DAPK2: variants seen among roughly 807,000 people sequenced by gnomAD.
DAPK2 encodes the protein death-associated protein kinase 2.
Under a neutral mutation model 44.1 loss-of-function variants are expected in DAPK2, and 35 were observed. The observed-to-expected ratio is 0.79, with a 90% CI of 0.61 to 1.05. The LOEUF (loss-of-function observed/expected upper bound fraction) is 1.05, where lower values mean the gene tolerates loss of function less well. Among genes scored for constraint, DAPK2 ranks in the 50% least tolerant of loss-of-function variants. DAPK2 has a pLI of 0.00. For missense variants in DAPK2, 453 were observed against 483.2 expected (o/e 0.94, Z 0.59); for synonymous variants, 174 against 182.6 (o/e 0.95, Z 0.38).
intron 1 of DAPK2, among the ~76,000 whole-genome samples, chr15:63,993,773 G>A (rs1225058907): frequency 1.3e-5 from 2 of 152,060 alleles, no homozygotes; most frequent in Non-Finnish European, 2.9e-5. Flanking sequence ...CAAAAATGAA[G>A]GATTGGACCA....
chr15:63,948,243 C>G (rs939578555), intron 3 of DAPK2, among the ~76,000 whole-genome samples: 1 of 121,056 alleles, frequency 8.3e-6, no homozygotes. Context: ...TGCATTCCAG[C>G]CTGCATGATG....
rs1049037874 is a variant in DAPK2, at chr15:63,939,360, G to A, written c.455C>T (p.Pro152Leu). The A allele has an allele frequency of 6.3e-7, 1 of 1,578,690 alleles. No homozygotes were observed. Among genetic ancestry groups the A allele is most frequent in the East Asian group, 2.2e-5 (1 of 44,600 alleles). Residue 152 changes from proline (P) to leucine (L), a missense_variant and splice_region_variant, in exon 4 of 11, where the codon CCA (proline) becomes CTA (leucine). Transcript: ENST00000261891. The surrounding 1 kb of genome is among the most constrained non-coding windows in gnomAD (Gnocchi z 4.3). ...CTTGTCTAACAACATAATGTTTTCT[G>A]GCTGGACAACAAAAAGTAGAAAAAA...
At chr15:63,914,973 G>T (rs2078890304) in intron 8 of DAPK2, among the ~76,000 whole-genome samples, 1 of 152,002 alleles carries the variant, frequency 6.6e-6, no homozygotes, top group Non-Finnish European at 1.5e-5. Context: ...ATCCTTGAAG[G>T]GTTGGTTCTA....
intron 1 of DAPK2, among the ~76,000 whole-genome samples, chr15:64,002,839 T>A (rs1003398349): frequency 6.6e-6 from 1 of 151,968 alleles, no homozygotes; most frequent in Non-Finnish European, 1.5e-5. Context: ...TTGGGTCTTT[T>A]AAACAAAGAA....
At chr15:63,968,737 A>C (rs1352358250) in intron 3 of DAPK2, among the ~76,000 whole-genome samples, 1 of 152,210 alleles carries the variant, frequency 6.6e-6, no homozygotes, top group Admixed American at 6.5e-5. Flanking sequence ...ATCATGGTAC[A>C]TGGTAACTCA....
intron 3 of DAPK2, among the ~76,000 whole-genome samples, chr15:63,961,318 A>C (rs2077893882): frequency 6.6e-6 from 1 of 152,176 alleles, no homozygotes; most frequent in African/African-American, 2.4e-5. Context: ...TGTGTCTTTT[A>C]ATTGGAGCAT....
At chr15:63,910,183 C>CGG in intron 10 of DAPK2, among the ~76,000 whole-genome samples, 1 of 152,240 alleles carries the variant, frequency 6.6e-6, no homozygotes, top group East Asian at 1.9e-4. Context: ...GGAAAGCAGC[C>CGG]AGAGCCGGCA....
At position 63,916,680 on chromosome 15, in the gene DAPK2, G is replaced by GT. The variant is rs945027359; in HGVS notation, c.859-4484_859-4483insA. ...CAGAAAGGCTGTGAGCCTGAAGGCT[G>GT]CCCCCTACAGTGAACAAGCCAGTGG... On this transcript the variant is annotated intron_variant, in intron 8 of 10. Coordinates refer to ENST00000261891, the Ensembl canonical transcript of DAPK2. The surrounding 1 kb of genome is among the most constrained non-coding windows in gnomAD (Gnocchi z 4.7). 5 of 152,372 alleles carry GT rather than the reference G, an allele frequency of 3.3e-5. No homozygotes were observed. Among genetic ancestry groups the GT allele is most frequent in the Admixed American group, 3.3e-4 (5 of 15,302 alleles). 9.4% of individuals were successfully genotyped at this position (152,372 alleles called of 1,614,324 possible). A position where few individuals can be genotyped will look rare whatever the true frequency, so the allele number is the denominator to read the frequency against.
At chr15:64,041,472 C>T (rs1003462580), upstream of DAPK2, among the ~76,000 whole-genome samples, 1 of 152,246 alleles carries the variant, frequency 6.6e-6, no homozygotes, top group Non-Finnish European at 1.5e-5. Flanking sequence ...CCATTCCTGA[C>T]AGCCATGTGC....
chr15:63,960,520 A>G (rs2077865521), intron 3 of DAPK2, among the ~76,000 whole-genome samples: 1 of 152,186 alleles, frequency 6.6e-6, no homozygotes, highest in Non-Finnish European at 1.5e-5. Context: ...ACACTGCTTT[A>G]AATGTGTCCC....
In DAPK2 at chr15:63,908,483, C is replaced by T. The variant is rs11854049; in HGVS notation, c.*37G>A. The T allele has an allele frequency of 6.8e-7, 1 of 1,475,136 alleles. No homozygotes were observed. Among genetic ancestry groups the T allele is most frequent in the South Asian group, 1.2e-5 (1 of 80,542 alleles). The allele number at this position is 1,475,136 out of a possible 1,614,324, so 91.4% of individuals were successfully genotyped here. On this transcript the variant is annotated 3_prime_UTR_variant, in exon 11 of 11. Coordinates refer to ENST00000261891, the Ensembl canonical transcript of DAPK2. The surrounding 1 kb of genome is among the most constrained non-coding windows in gnomAD (Gnocchi z 5.7). The stretch of plus-strand genomic sequence containing the variant: ...CTGCACAGAAGGGAGCCCCGCTGGG[C>T]CCAGACCTCCCTGGCGGCCACTGCA...
intron 1 of DAPK2, among the ~76,000 whole-genome samples, chr15:64,036,245 G>C (rs149567210): frequency 0.014 from 2,022 of 147,634 alleles, 56 homozygotes; most frequent in African/African-American, 0.049. Flanking sequence ...TGGCGACAGA[G>C]TGAAACTCCA....
chr15:64,017,067 T>G (rs332288), intron 1 of DAPK2, among the ~76,000 whole-genome samples: 148,542 of 152,236 alleles, frequency 0.98, 72,572 homozygotes, highest in East Asian at 1. Context: ...TCCACAATGT[T>G]GGGGCTGTCC....
At chr15:63,940,141 C>T (rs539597562) in intron 3 of DAPK2, among the ~76,000 whole-genome samples, 111 of 152,336 alleles carry the variant, frequency 7.3e-4, no homozygotes, top group African/African-American at 2.0e-3. Flanking sequence ...TTCTCACTCC[C>T]ACCCAACCAC....
At chr15:63,924,343 A>G (rs867381438) in intron 8 of DAPK2, among the ~76,000 whole-genome samples, 139 of 152,192 alleles carry the variant, frequency 9.1e-4, no homozygotes, top group African/African-American at 3.1e-3. Flanking sequence ...CTCAGGCCCC[A>G]TTCCTCAGGG....
Position 63,999,013 on chromosome 15 carries a change from G to T in DAPK2, c.93-15259C>A, listed in dbSNP as rs572972392. 5.9e-5 allele frequency among the ~76,000 whole-genome samples: 9 copies of T among 152,244 alleles called. No homozygotes were observed. The East Asian group carries it at 1.7e-3, about 29-fold the overall frequency. On this transcript the variant is annotated intron_variant, in intron 1 of 10. Transcript: ENST00000261891. ...CTCTCCTGTGCTCTTGGAGGGCAGG[G>T]CTGTTTTGTGAAATTTTCTACCTGC... is the stretch of plus-strand genomic sequence containing the variant.
Position 63,923,010 on chromosome 15 carries a change from A to G in DAPK2, c.858+1806T>C, listed in dbSNP as rs569291940. On this transcript the variant is annotated intron_variant, in intron 8 of 10. Coordinates refer to ENST00000261891, the Ensembl canonical transcript of DAPK2. This position sits in a 1 kb window ranked among gnomAD's most constrained non-coding sequence, Gnocchi z 4.2. ...ATGTCTTCTCGCAGCAGCTTCTTCAATGACTCCACCTTGCGGAACTCATAC... is the reference window on the plus strand; with the variant it reads ...ATGTCTTCTCGCAGCAGCTTCTTCAGTGACTCCACCTTGCGGAACTCATAC... The G allele has an allele frequency of 1.3e-6, 2 of 1,535,822 alleles. No individual in the cohort carries two copies. Among genetic ancestry groups the G allele is most frequent in the African/African-American group, 2.7e-5 (2 of 73,124 alleles).
upstream of DAPK2, chr15:64,046,413 G>A (rs1595935501): frequency 7.1e-5 from 25 of 351,370 alleles, no homozygotes; most frequent in African/African-American, 1.3e-4. The surrounding 1 kb of genome is among the most constrained non-coding windows in gnomAD (Gnocchi z 5.3). Flanking sequence ...GGCGGGGTGC[G>A]CTGGGCTCGG....
At chr15:63,976,271 T>C (rs74508821) in intron 2 of DAPK2, among the ~76,000 whole-genome samples, 4,904 of 152,354 alleles carry the variant, frequency 0.032, 154 homozygotes, top group South Asian at 0.18. Flanking sequence ...GCAATGTGGC[T>C]AGTGTAATAG....
Sources: allele counts gnomAD v4.1 joint callset (sites outside exome capture counted in the v4.1 genomes callset), GRCh38; gene constraint gnomAD v4.1.1; non-coding constraint Gnocchi (gnomAD v3.1); transcripts MANE v1.5; gene names NCBI Gene and HGNC (gene_info 2026-07-23, HGNC 2026-07-21).